The following ST6GALNAC3 variants were observed in gnomAD, a reference collection of about 807,000 sequenced individuals.
ST6GALNAC3 encodes ST6 N-acetylgalactosaminide alpha-2,6-sialyltransferase 3.
Under a neutral mutation model 32.7 loss-of-function variants are expected in ST6GALNAC3, and 25 were observed. That is an observed-to-expected ratio of 0.76 (90% CI 0.56 to 1.07). The LOEUF (loss-of-function observed/expected upper bound fraction) is 1.07, where lower values mean the gene tolerates loss of function less well. Among genes scored for constraint, ST6GALNAC3 ranks in the 50% least tolerant of loss-of-function variants. The pLI is 0.00. For synonymous variants in ST6GALNAC3, 129 were observed against 133.1 expected, an observed-to-expected ratio of 0.97 and a Z score of 0.21; for missense variants, 355 against 382.4, an observed-to-expected ratio of 0.93 and a Z score of 0.60.
chr1:76,598,139 G>A (rs1006303926), intron 3 of ST6GALNAC3, among the ~76,000 whole-genome samples: 2 of 152,088 alleles, frequency 1.3e-5, no homozygotes, highest in African/African-American at 2.4e-5. Context: ...GGGTAAGAGA[G>A]CTCCCTGAGA....
chr1:76,340,998 C>CT (rs989378912), intron 2 of ST6GALNAC3, among the ~76,000 whole-genome samples: 2 of 151,512 alleles, frequency 1.3e-5, no homozygotes, highest in Non-Finnish European at 2.9e-5. Flanking sequence ...AGGTTAGATT[C>CT]TTTTTCCTAA....
At chr1:76,541,446 G>T (rs1663986596) in intron 3 of ST6GALNAC3, among the ~76,000 whole-genome samples, 2 of 152,258 alleles carry the variant, frequency 1.3e-5, no homozygotes, top group Middle Eastern at 3.4e-3. Context: ...AGCAGTGCTG[G>T]TGATCTCCAC....
At chr1:76,482,775 T>A (rs2101660775) in intron 3 of ST6GALNAC3, among the ~76,000 whole-genome samples, 1 of 152,266 alleles carries the variant, frequency 6.6e-6, no homozygotes, top group South Asian at 2.1e-4. Context: ...GTGCACAATG[T>A]GCAGGTTTGT....
At chr1:76,412,779 A>C (rs1654353956) in intron 3 of ST6GALNAC3, among the ~76,000 whole-genome samples, 1 of 152,156 alleles carries the variant, frequency 6.6e-6, no homozygotes, top group Admixed American at 6.6e-5. Flanking sequence ...CTTTAGGATT[A>C]TGCATTAATC....
chr1:76,500,804 C>A (rs1005046541), intron 3 of ST6GALNAC3, among the ~76,000 whole-genome samples: 1 of 152,188 alleles, frequency 6.6e-6, no homozygotes, highest in African/African-American at 2.4e-5. Flanking sequence ...GTAACCTCAT[C>A]ATTTACTCAG....
Position 76,629,979 on chromosome 1 carries a change from T to TAAC in ST6GALNAC3, c.*1179_*1181dup, listed in dbSNP as rs1159893858. The TAAC allele has an allele frequency of 1.0e-6, 1 of 984,970 alleles. No individual in the cohort carries two copies. Among genetic ancestry groups the TAAC allele is most frequent in the East Asian group, 1.1e-4 (1 of 8,808 alleles). 61.0% of individuals were successfully genotyped at this position (984,970 alleles called of 1,614,324 possible). A position where few individuals can be genotyped will look rare whatever the true frequency, so the allele number is the denominator to read the frequency against. On this transcript the variant is annotated 3_prime_UTR_variant, in exon 5 of 5. Transcript: ENST00000328299. The stretch of plus-strand genomic sequence containing the variant: ...TAGTGTATCAGTTGTTATGCCACAA[T>TAAC]AACAACAATAATAATGTTCTTAATG...
chr1:76,615,328 A>T lies in ST6GALNAC3; in HGVS notation c.624-12124A>T, dbSNP rs564961663. ...CTTGGCCTGATTACAGGCCCTTAAG[A>T]CTCAGCAGAGCTAAGGGGAAGGGAA... On this transcript the variant is annotated intron_variant, in intron 3 of 4. Transcript: ENST00000328299. 7.2e-5 allele frequency among the ~76,000 whole-genome samples: 11 copies of T among 152,030 alleles called. 1 individual carries two copies. The highest frequency in any genetic ancestry group is 2.7e-4 in the African/African-American group (11 of 41,490).
At chr1:76,619,035 G>A (rs1648472252) in intron 3 of ST6GALNAC3, among the ~76,000 whole-genome samples, 2 of 150,720 alleles carry the variant, frequency 1.3e-5, no homozygotes, top group African/African-American at 5.0e-5. Context: ...AGTAGCTCAA[G>A]TCTTCAAAAT....
chr1:76,125,621 A>C (rs924592672), intron 1 of ST6GALNAC3, among the ~76,000 whole-genome samples: 1 of 152,060 alleles, frequency 6.6e-6, no homozygotes, highest in East Asian at 1.9e-4. Context: ...TCTAGAATAC[A>C]CTCTGAAGAT....
chr1:76,459,069 T>G (rs975764270), intron 3 of ST6GALNAC3, among the ~76,000 whole-genome samples: 2 of 152,198 alleles, frequency 1.3e-5, no homozygotes, highest in African/African-American at 4.8e-5. Flanking sequence ...GGGATTTATG[T>G]GCCTCCCAGC....
intron 1 of ST6GALNAC3, among the ~76,000 whole-genome samples, chr1:76,303,937 A>G (rs1158355728): frequency 6.6e-6 from 1 of 151,836 alleles, no homozygotes; most frequent in Non-Finnish European, 1.5e-5. Context: ...ACTTCTCTTT[A>G]TATTTCACAC....
intron 3 of ST6GALNAC3, among the ~76,000 whole-genome samples, chr1:76,458,763 T>C (rs1404259259): frequency 1.3e-5 from 2 of 148,324 alleles, no homozygotes; most frequent in Admixed American, 6.7e-5. Flanking sequence ...AGGGATAGCA[T>C]TGGGAGATAT....
At chr1:76,096,588 A>G (rs1276985722) in intron 1 of ST6GALNAC3, among the ~76,000 whole-genome samples, 1 of 150,318 alleles carries the variant, frequency 6.7e-6, no homozygotes, top group Non-Finnish European at 1.5e-5. Context: ...AATTTTATTT[A>G]TAAAATATCT....
intron 1 of ST6GALNAC3, among the ~76,000 whole-genome samples, chr1:76,086,908 C>T (rs1646972730): frequency 6.6e-6 from 1 of 152,178 alleles, no homozygotes; most frequent in African/African-American, 2.4e-5. Flanking sequence ...CCAGGTCATT[C>T]TTTCTCTCTT....
At chr1:76,180,558 C>T (rs1166239597) in intron 1 of ST6GALNAC3, among the ~76,000 whole-genome samples, 1 of 152,078 alleles carries the variant, frequency 6.6e-6, no homozygotes, top group Non-Finnish European at 1.5e-5. Context: ...CACCATGCCC[C>T]CTATCCTATA....
chr1:76,474,187 C>T (rs1405547956), intron 3 of ST6GALNAC3, among the ~76,000 whole-genome samples: 1 of 152,108 alleles, frequency 6.6e-6, no homozygotes, highest in Non-Finnish European at 1.5e-5. Context: ...TGAGCAAAAA[C>T]ATGGGGACTG....
rs1438917629 is a variant in ST6GALNAC3, at chr1:76,525,791, G to GTGTGTATATATATATATA, written c.624-101660_624-101659insGTGTATATATATATATAT. ...TGTGTTTGTGTGTGTGTGTGTGTGT[G>GTGTGTATATATATATATA]TATATATATATATATATATATATAT... On this transcript the variant is annotated intron_variant, in intron 3 of 4. Transcript: ENST00000328299. 6.1e-4 allele frequency among the ~76,000 whole-genome samples: 46 copies of GTGTGTATATATATATATA among 75,560 alleles called. 2 individuals are homozygous for GTGTGTATATATATATATA. Among genetic ancestry groups the GTGTGTATATATATATATA allele is most frequent in the Non-Finnish European group, 1.1e-3 (37 of 33,056 alleles). The allele number at this position is 75,560 out of a possible 152,430, so 49.6% of individuals were successfully genotyped here.
At chr1:76,510,561 T>C (rs1661791839) in intron 3 of ST6GALNAC3, among the ~76,000 whole-genome samples, 1 of 152,114 alleles carries the variant, frequency 6.6e-6, no homozygotes, top group Non-Finnish European at 1.5e-5. Context: ...AGAATAATAA[T>C]AACAACAGAC....
chr1:76,212,070 A>G (rs535559500), intron 1 of ST6GALNAC3, among the ~76,000 whole-genome samples: 85 of 152,342 alleles, frequency 5.6e-4, no homozygotes, highest in Non-Finnish European at 7.3e-4. Flanking sequence ...TTCTTATTTA[A>G]GCATATCCAG....
Sources: allele counts gnomAD v4.1 joint callset (sites outside exome capture counted in the v4.1 genomes callset), GRCh38; gene constraint gnomAD v4.1.1; transcripts MANE v1.5; gene names NCBI Gene and HGNC (gene_info 2026-07-23, HGNC 2026-07-21).